Variants in NFX1 observed in about 807,000 individuals in gnomAD.
The protein encoded by NFX1 is transcriptional repressor NF-X1.
NFX1 carries 69 observed loss-of-function variants against 137.2 expected under a neutral mutation model. The ratio of observed to expected loss-of-function variants is 0.50; its 90% confidence interval spans 0.41 to 0.61. The LOEUF is 0.61. Ranked by LOEUF, NFX1 falls within the 20% of genes least tolerant of loss-of-function variation. The pLI is 0.00. For synonymous variants in NFX1, 495 were observed against 474.1 expected (o/e 1.04, Z -0.57); for missense variants, 1,167 against 1,391.0 (o/e 0.84, Z 2.56).
rs574564266 is a variant in NFX1 at position 33,341,203 on chromosome 9, G to T, written c.2116-1543G>T. ...ACTTACAGTTCCAAGTGGCTGGGGA[G>T]GCCTCACAATCATGGTGGGAGGCAA... On this transcript the variant is annotated intron_variant, in intron 12 of 23. Transcript: ENST00000379540. Among the ~76,000 whole-genome samples, 7 of 152,296 alleles carry T rather than the reference G, an allele frequency of 4.6e-5. No individual in the cohort carries two copies. The East Asian group carries it at 9.6e-4, about 21-fold the overall frequency.
At chr9:33,360,708 A>G (rs540209220) in intron 19 of NFX1, among the ~76,000 whole-genome samples, 1 of 152,328 alleles carries the variant, frequency 6.6e-6, no homozygotes, top group Non-Finnish European at 1.5e-5. Flanking sequence ...AGCAGGCCAA[A>G]TTCAGCCCAC....
In NFX1 at chr9:33,296,449, C is replaced by T. The variant is rs999407778; in HGVS notation, c.1033+1022C>T. 2.0e-5 allele frequency among the ~76,000 whole-genome samples: 3 copies of T among 152,202 alleles called. 1 individual carries two copies. Among genetic ancestry groups the T allele is most frequent in the Admixed American group, 2.0e-4 (3 of 15,290 alleles). ...TCATTTTTCAAAAGCTACTTTAGGC[C>T]AGGCATGGTGGCTCACACCTGTAAT... is the stretch of plus-strand genomic sequence containing the variant. On this transcript the variant is annotated intron_variant, in intron 2 of 23. Transcript: ENST00000379540.
At chr9:33,355,641 CTTTT>C (rs35866452) in intron 19 of NFX1, among the ~76,000 whole-genome samples, 1 of 92,186 alleles carries the variant, frequency 1.1e-5, no homozygotes, top group Non-Finnish European at 2.1e-5. Context: ...GTTAAGAATT[CTTTT>C]TTTTTTTTTT....
chr9:33,348,894 A>T (rs979569461), intron 15 of NFX1, among the ~76,000 whole-genome samples: 2 of 152,046 alleles, frequency 1.3e-5, no homozygotes, highest in Non-Finnish European at 2.9e-5. Flanking sequence ...AAAAAAAGAT[A>T]TTGTTTTGTA....
intron 19 of NFX1, among the ~76,000 whole-genome samples, chr9:33,359,195 T>C (rs1046047453): frequency 2.6e-5 from 4 of 152,228 alleles, no homozygotes; most frequent in African/African-American, 9.6e-5. Context: ...TCCTTTCTTT[T>C]TTCTTTTATC....
chr9:33,366,627 A>C lies in NFX1; in HGVS notation c.3040-2A>C. The C allele has an allele frequency of 6.2e-7, 1 of 1,613,900 alleles. No individual in the cohort carries two copies. ...AATCAGTCATCTTTTCCCTCAATACAGGGAAAGAATAGTAAGAAAAGCCAC... is the reference window on the plus strand; with the variant it reads ...AATCAGTCATCTTTTCCCTCAATACCGGGAAAGAATAGTAAGAAAAGCCAC... On this transcript the variant is annotated splice_acceptor_variant, in intron 21 of 23. Transcript: ENST00000379540. LOFTEE classifies it high-confidence loss of function.
At chr9:33,339,462 G>A (rs190866831) in intron 12 of NFX1, among the ~76,000 whole-genome samples, 65 of 152,288 alleles carry the variant, frequency 4.3e-4, no homozygotes, top group African/African-American at 1.4e-3. Context: ...CCTCCCACCA[G>A]GTCCCTCCCA....
At chr9:33,307,708 C>A (rs1316384476) in intron 5 of NFX1, among the ~76,000 whole-genome samples, 1 of 151,978 alleles carries the variant, frequency 6.6e-6, no homozygotes, top group East Asian at 1.9e-4. Flanking sequence ...GGAGAACCTT[C>A]TGTCTGGGGA....
chr9:33,343,125 C>G (rs1226714773), intron 13 of NFX1, among the ~76,000 whole-genome samples: 1 of 152,040 alleles, frequency 6.6e-6, no homozygotes, highest in Non-Finnish European at 1.5e-5. Context: ...TGTTATTGAC[C>G]TAGGTTCTGT....
chr9:33,301,236 T>C, intron 2 of NFX1, 27 bp from the exon 3 acceptor site: 1 of 1,603,200 alleles, frequency 6.2e-7, no homozygotes, highest in East Asian at 2.2e-5. Flanking sequence ...TGAGTTAATC[T>C]TTTTTGTTAT....
chr9:33,328,584 T>C lies in NFX1; in HGVS notation c.1910T>C (p.Phe637Ser). 6.2e-7 allele frequency: 1 copy of C among 1,603,444 alleles called. No homozygotes were observed. The highest frequency in any genetic ancestry group is 2.2e-5 in the East Asian group (1 of 44,610). ...GCTCTTTTCGTTTTTATTAAAGATT[T>C]CATTCATACCTGTGAAAAGCTCTGC... ...GKPLPCGSLD[F>S]IHTCEKLCHE... Residue 637 changes from phenylalanine (F) to serine (S), a missense_variant, in exon 10 of 24, where the codon TTC becomes TCC. Transcript: ENST00000379540.
intron 5 of NFX1, 22 bp from the exon 6 acceptor site, chr9:33,311,084 C>T: frequency 6.2e-7 from 1 of 1,613,188 alleles, no homozygotes; most frequent in Non-Finnish European, 8.5e-7. Flanking sequence ...GTGGTTTATT[C>T]AGTGAAACCT....
At chr9:33,358,179 C>T (rs1438429805) in intron 19 of NFX1, among the ~76,000 whole-genome samples, 4 of 151,982 alleles carry the variant, frequency 2.6e-5, no homozygotes, top group Non-Finnish European at 5.9e-5. Flanking sequence ...GGCTGGAGTG[C>T]AATGGTGTGA....
chr9:33,326,706 T>G (rs970366482), intron 9 of NFX1, among the ~76,000 whole-genome samples: 1 of 152,012 alleles, frequency 6.6e-6, no homozygotes, highest in African/African-American at 2.4e-5. Flanking sequence ...GTGACAAGAG[T>G]GGGACCCTGT....
At position 33,351,753 on chromosome 9, in the gene NFX1, C is replaced by T; in HGVS notation, c.2618C>T (p.Thr873Ile). Residue 873 changes from threonine (T) to isoleucine (I), a missense_variant, in exon 16 of 24, where the codon ACC (threonine) becomes ATC (isoleucine). Thr to Ile is a moderately conservative substitution (Grantham distance 89, BLOSUM62 -1). This residue lies in a region of NFX1 where 312 missense variants were observed against 312.8 expected (regional missense o/e 1.00). Transcript: ENST00000379540. ...CACCCGTGTATGGCACCCTGCCATA[C>T]CAGCTCACCCTGCCCTGTGACTGCT... ...CGHPCMAPCH[T>I]SSPCPVTACK... 1.2e-6 allele frequency: 2 copies of T among 1,606,132 alleles called. No individual in the cohort carries two copies. Among genetic ancestry groups the T allele is most frequent in the Non-Finnish European group, 1.7e-6 (2 of 1,176,328 alleles).
intron 4 of NFX1, among the ~76,000 whole-genome samples, chr9:33,306,726 T>C (rs1404535475): frequency 6.6e-6 from 1 of 152,166 alleles, no homozygotes; most frequent in Non-Finnish European, 1.5e-5. Context: ...ATGCCGACTT[T>C]ATAGTTCTGG....
At chr9:33,364,864 T>C in intron 21 of NFX1, 90 bp downstream of exon 21, 4 of 1,551,320 alleles carry the variant, frequency 2.6e-6, no homozygotes, top group Non-Finnish European at 3.5e-6. Context: ...ACTTTCAACC[T>C]AGAGTAGTTG....
intron 2 of NFX1, 28 bp from the exon 3 acceptor site, chr9:33,301,235 C>A: frequency 6.2e-7 from 1 of 1,602,234 alleles, no homozygotes; most frequent in Non-Finnish European, 8.5e-7. Context: ...TTGAGTTAAT[C>A]TTTTTTGTTA....
At chr9:33,338,236 G>A (rs1260257699) in intron 11 of NFX1, among the ~76,000 whole-genome samples, 5 of 148,518 alleles carry the variant, frequency 3.4e-5, no homozygotes, top group Non-Finnish European at 7.5e-5. Context: ...GCACCTGTAA[G>A]CCCAGCTACT....
Sources: allele counts gnomAD v4.1 joint callset (sites outside exome capture counted in the v4.1 genomes callset), GRCh38; gene constraint gnomAD v4.1.1; regional missense constraint gnomAD v4.1.1; transcripts MANE v1.5; gene names NCBI Gene and HGNC (gene_info 2026-07-23, HGNC 2026-07-21).